Variants in RYK observed in about 807,000 individuals in gnomAD.
RYK encodes the protein inactive tyrosine-protein kinase RYK.
In RYK, 21 loss-of-function variants were observed where a neutral mutation model predicts 70.2. That is an observed-to-expected ratio of 0.30 (90% CI 0.21 to 0.43). The LOEUF is 0.43. RYK is among the 20% of genes least tolerant of loss of function. The probability of loss-of-function intolerance (pLI) is 1.00; values close to 1 mark genes in which losing one functional copy is unlikely to be tolerated. For missense variants in RYK, 604 were observed against 753.3 expected, an observed-to-expected ratio of 0.80 and a Z score of 2.32; for synonymous variants, 267 against 278.0, an observed-to-expected ratio of 0.96 and a Z score of 0.39.
intron 1 of RYK, among the ~76,000 whole-genome samples, chr3:134,246,811 G>A (rs1436120106): frequency 9.2e-5 from 14 of 152,080 alleles, no homozygotes; most frequent in African/African-American, 3.1e-4. Context: ...CCAAGAAAAA[G>A]GAAGACAGGA....
chr3:134,226,944 G>A (rs1197235294), intron 1 of RYK, among the ~76,000 whole-genome samples: 1 of 152,076 alleles, frequency 6.6e-6, no homozygotes, highest in African/African-American at 2.4e-5. Flanking sequence ...ACCTTGTACC[G>A]GAGGTCCTAG....
intron 8 of RYK, among the ~76,000 whole-genome samples, chr3:134,190,860 T>A (rs376133605): frequency 6.6e-6 from 1 of 152,236 alleles, no homozygotes; most frequent in East Asian, 1.9e-4. Context: ...TAGGAAATGC[T>A]ACCTGGTCTA....
rs1246393410 is a variant in RYK, at chr3:134,175,680, C to A, written c.1504G>T (p.Glu502Ter). ...PMDYHCLGDNENRPVRWMALE... is the reference protein window; with the variant it reads ...PMDYHCLGDN ...GCCATCCAACGAACTGGCCTGTTTT[C>A]ATTGTCCCCCAGACAGTGATAGTCC... Residue 502 changes from glutamate (E) to a stop codon, truncating the protein, a stop_gained, in exon 13 of 15, where the codon GAA (glutamate) becomes TAA (stop). Coordinates refer to ENST00000623711, the MANE Select transcript of RYK (RefSeq NM_002958.4). LOFTEE classifies it high-confidence loss of function. The A allele has an allele frequency of 6.2e-7, 1 of 1,613,978 alleles. No individual in the cohort carries two copies.
At chr3:134,235,623 A>G (rs963545661) in intron 1 of RYK, among the ~76,000 whole-genome samples, 3 of 152,186 alleles carry the variant, frequency 2.0e-5, no homozygotes, top group Non-Finnish European at 4.4e-5. Context: ...ACATAAAGAC[A>G]GGGGCTAGAT....
At chr3:134,222,620 GA>G in intron 1 of RYK, 81 bp from the exon 2 acceptor site, 1 of 1,211,482 alleles carries the variant, frequency 8.3e-7, no homozygotes. Flanking sequence ...AATACAAATA[GA>G]GTGAAGATAA....
Position 134,176,835 on chromosome 3 carries a change from G to A in RYK, c.1306-796C>T, listed in dbSNP as rs565083690. Reference sequence around the variant, plus strand: ...GGAGGCTGAGGCAGGCAGATCACGAGGTCAGGAGATTGAGACCATCCTGGC... The same window carrying A: ...GGAGGCTGAGGCAGGCAGATCACGAAGTCAGGAGATTGAGACCATCCTGGC... On this transcript the variant is annotated intron_variant, in intron 11 of 14. Coordinates refer to ENST00000623711, the MANE Select transcript of RYK (RefSeq NM_002958.4). Among the ~76,000 whole-genome samples the A allele has an allele frequency of 3.5e-3, 526 of 152,158 alleles. 1 individual carries two copies. Among genetic ancestry groups the A allele is most frequent in the Non-Finnish European group, 5.9e-3 (404 of 68,002 alleles).
chr3:134,199,172 C>T (rs1467772497), intron 6 of RYK, among the ~76,000 whole-genome samples: 2 of 152,236 alleles, frequency 1.3e-5, no homozygotes, highest in Non-Finnish European at 2.9e-5. Context: ...CACACATGAG[C>T]TCCAACTGCC....
chr3:134,188,903 G>T lies in RYK; in HGVS notation c.1036C>A (p.His346Asn). 2.6e-6 allele frequency: 4 copies of T among 1,568,310 alleles called. No homozygotes were observed. Among genetic ancestry groups the T allele is most frequent in the Non-Finnish European group, 3.5e-6 (4 of 1,146,824 alleles). ...TCTTTTTCATCTATTAAAATCCCATGGAAAATACGCCCAAAAGTACCTAAA... is the reference window on the plus strand; with the variant it reads ...TCTTTTTCATCTATTAAAATCCCATTGAAAATACGCCCAAAAGTACCTAAA... ...LQEGTFGRIF[H>N]GILIDEKDPN... is the part of the protein sequence containing the mutation. The change falls in exon 9 of 15, where the codon CAT becomes AAT. Residue 346 changes from histidine (H) to asparagine (N), a missense_variant. His to Asn is a moderately conservative substitution (Grantham distance 68). Around this residue, in one of 2 missense-constraint regions of RYK, gnomAD observed 466 missense variants for 535.9 expected, o/e 0.87. Coordinates refer to ENST00000623711, the MANE Select transcript of RYK (RefSeq NM_002958.4).
At chr3:134,180,525 A>G (rs1010558721) in intron 10 of RYK, 4 of 152,222 alleles carry the variant, frequency 2.6e-5, no homozygotes, top group African/African-American at 9.6e-5. Flanking sequence ...GATAAATTCT[A>G]TAATACGATC....
At chr3:134,244,450 T>C (rs76633439) in intron 1 of RYK, among the ~76,000 whole-genome samples, 1 of 152,190 alleles carries the variant, frequency 6.6e-6, no homozygotes, top group East Asian at 1.9e-4. Flanking sequence ...AGAGACAGTA[T>C]GAATTCAGGT....
intron 1 of RYK, among the ~76,000 whole-genome samples, chr3:134,228,590 C>T (rs2014971192): frequency 6.6e-6 from 1 of 151,686 alleles, no homozygotes; most frequent in African/African-American, 2.4e-5. Context: ...ATAAGCCAGA[C>T]ACAGAAAGAC....
At chr3:134,167,142 T>C (rs574878129) in intron 13 of RYK, among the ~76,000 whole-genome samples, 31 of 152,144 alleles carry the variant, frequency 2.0e-4, no homozygotes, top group Admixed American at 7.9e-4. Context: ...TAAAGTTTTC[T>C]ATACTTTAAA....
At chr3:134,226,180 C>A (rs1304441818) in intron 1 of RYK, among the ~76,000 whole-genome samples, 1 of 151,934 alleles carries the variant, frequency 6.6e-6, no homozygotes, top group Non-Finnish European at 1.5e-5. Flanking sequence ...ACACCAAACA[C>A]AAATTACCAA....
chr3:134,246,623 C>T (rs1472817027), intron 1 of RYK, among the ~76,000 whole-genome samples: 1 of 152,004 alleles, frequency 6.6e-6, no homozygotes, highest in Non-Finnish European at 1.5e-5. Context: ...GTGAATATGC[C>T]ATCAAAATTA....
chr3:134,207,488 G>A lies in RYK; in HGVS notation c.627C>T (p.Asn209=). 1.9e-6 allele frequency: 3 copies of A among 1,541,386 alleles called. No individual in the cohort carries two copies. Among genetic ancestry groups the A allele is most frequent in the Non-Finnish European group, 1.8e-6 (2 of 1,140,256 alleles). Residue 209 remains asparagine (N), a synonymous_variant, in exon 5 of 15, where the codon AAC becomes AAT. Coordinates refer to ENST00000623711, the MANE Select transcript of RYK (RefSeq NM_002958.4). ...EEVKTSALDK[N]TSRTIYDPVH... is the part of the protein sequence containing the mutation. Reference sequence around the variant, plus strand: ...AACACTTACAAATAGTTCTGCTAGTGTTTTTGTCCAAGGCTGAAGTTTTTA... The same window carrying A: ...AACACTTACAAATAGTTCTGCTAGTATTTTTGTCCAAGGCTGAAGTTTTTA...
At chr3:134,241,251 T>C (rs933626680) in intron 1 of RYK, among the ~76,000 whole-genome samples, 7 of 151,434 alleles carry the variant, frequency 4.6e-5, no homozygotes, top group Admixed American at 3.3e-4. Context: ...TCAGGAGCCT[T>C]AGGCACGACA....
intron 9 of RYK, among the ~76,000 whole-genome samples, chr3:134,185,312 G>C (rs1009469148): frequency 6.6e-6 from 1 of 152,054 alleles, no homozygotes; most frequent in African/African-American, 2.4e-5. Context: ...TGTCACATTT[G>C]GTCTTTAAAT....
chr3:134,233,164 A>G (rs191278946), intron 1 of RYK, among the ~76,000 whole-genome samples: 14 of 152,320 alleles, frequency 9.2e-5, no homozygotes, highest in African/African-American at 3.1e-4. Context: ...GCCATGCTAA[A>G]TGGTTTGACT....
chr3:134,168,546 A>G lies in RYK; in HGVS notation c.1575+7063T>C, dbSNP rs576657009. 2.0e-5 allele frequency among the ~76,000 whole-genome samples: 3 copies of G among 148,024 alleles called. No individual in the cohort carries two copies. In the East Asian group the frequency reaches 6.2e-4, roughly 31 times the overall value. On this transcript the variant is annotated intron_variant, in intron 13 of 14. Coordinates refer to ENST00000623711, the MANE Select transcript of RYK (RefSeq NM_002958.4). ...ACAAAAAACCAAACACCGCATGTTC[A>G]CACTCATAGGTGGGAATTGAACAAT...
Sources: gnomAD v4.1 joint callset for allele counts (sites outside exome capture counted in the v4.1 genomes callset) on GRCh38, gnomAD v4.1.1 for gene constraint, gnomAD v4.1.1 regional missense constraint, MANE v1.5 for transcripts, NCBI Gene and HGNC (gene_info 2026-07-23, HGNC 2026-07-21) for gene names.